PTPRM: variants seen among roughly 807,000 people sequenced by gnomAD.
The protein encoded by PTPRM is receptor-type tyrosine-protein phosphatase mu.
A neutral mutation model predicts 186.7 loss-of-function variants in PTPRM; 47 were observed. The ratio of observed to expected loss-of-function variants is 0.25; its 90% CI spans 0.20 to 0.32. The LOEUF is 0.32. Ranked by LOEUF, PTPRM falls within the 10% of genes least tolerant of loss-of-function variation. The pLI is 1.00. For synonymous variants in PTPRM, 668 were observed against 674.9 expected (o/e 0.99, Z 0.16); for missense variants, 1,494 against 1,865.0 (o/e 0.80, Z 3.66).
At chr18:8,373,457 G>A (rs1050348542) in intron 24 of PTPRM, among the ~76,000 whole-genome samples, 1 of 152,148 alleles carries the variant, frequency 6.6e-6, no homozygotes, top group East Asian at 1.9e-4. Context: ...TACCCAGAGT[G>A]TCAGAAGGAA....
At chr18:8,362,979 T>C (rs1353107050) in intron 23 of PTPRM, among the ~76,000 whole-genome samples, 1 of 152,220 alleles carries the variant, frequency 6.6e-6, no homozygotes, top group East Asian at 1.9e-4. Context: ...TTGAGTTTGT[T>C]GTTTACACAT....
intron 1 of PTPRM, among the ~76,000 whole-genome samples, chr18:7,618,403 CTCTCACTTTA>C (rs2037857503): frequency 6.6e-6 from 1 of 152,058 alleles, no homozygotes; most frequent in Non-Finnish European, 1.5e-5. Context: ...GTATTTGTTT[CTCTCACTTTA>C]ACTCAGATTT....
At chr18:8,308,128 A>T (rs777148334) in intron 20 of PTPRM, among the ~76,000 whole-genome samples, 1 of 152,242 alleles carries the variant, frequency 6.6e-6, no homozygotes, top group Non-Finnish European at 1.5e-5. Flanking sequence ...GACAAATTAA[A>T]TTTAGCCAGG....
At chr18:8,028,778 A>G (rs1263883329) in intron 7 of PTPRM, among the ~76,000 whole-genome samples, 1 of 152,222 alleles carries the variant, frequency 6.6e-6, no homozygotes, top group South Asian at 2.1e-4. Context: ...GCTGAATAAC[A>G]ATAGCATTTA....
chr18:7,957,986 G>A (rs2053425613), intron 7 of PTPRM, among the ~76,000 whole-genome samples: 1 of 152,112 alleles, frequency 6.6e-6, no homozygotes, highest in South Asian at 2.1e-4. Context: ...GGGGCAAATG[G>A]TTGATGAATC....
chr18:7,853,117 C>G (rs1258744626), intron 2 of PTPRM, among the ~76,000 whole-genome samples: 1 of 152,156 alleles, frequency 6.6e-6, no homozygotes, highest in Admixed American at 6.5e-5. Flanking sequence ...GGTTTGACTT[C>G]AAAGAATAGA....
intron 1 of PTPRM, among the ~76,000 whole-genome samples, chr18:7,641,397 CTTAG>C (rs2038439681): frequency 6.6e-6 from 1 of 152,110 alleles, no homozygotes; most frequent in East Asian, 1.9e-4. Flanking sequence ...CAGGAAAGGA[CTTAG>C]TTAATTCAAA....
intron 2 of PTPRM, among the ~76,000 whole-genome samples, chr18:7,853,765 G>A (rs1422854793): frequency 6.6e-6 from 1 of 151,840 alleles, no homozygotes; most frequent in Non-Finnish European, 1.5e-5. Flanking sequence ...ATACCAAGCT[G>A]ATTCTCTTTG....
intron 14 of PTPRM, among the ~76,000 whole-genome samples, chr18:8,200,723 A>C (rs1262791073): frequency 6.6e-6 from 1 of 152,252 alleles, no homozygotes; most frequent in East Asian, 1.9e-4. Context: ...AAAAGTTATA[A>C]AAATAGTACA....
chr18:7,605,666 A>G (rs1358012317), intron 1 of PTPRM, among the ~76,000 whole-genome samples: 1 of 152,218 alleles, frequency 6.6e-6, no homozygotes, highest in South Asian at 2.1e-4. Flanking sequence ...AATGTTAACC[A>G]TACACTACTT....
At chr18:7,614,917 G>C (rs1213171119) in intron 1 of PTPRM, among the ~76,000 whole-genome samples, 2 of 152,140 alleles carry the variant, frequency 1.3e-5, no homozygotes, top group African/African-American at 4.8e-5. Context: ...GAGATGATCA[G>C]TTTTTTGAAC....
chr18:7,932,472 C>G (rs1025805490), intron 5 of PTPRM, among the ~76,000 whole-genome samples: 1 of 151,920 alleles, frequency 6.6e-6, no homozygotes, highest in Non-Finnish European at 1.5e-5. Context: ...ATAGGTAACT[C>G]CATTTTATTA....
At chr18:7,862,769 G>T (rs1378402320) in intron 2 of PTPRM, among the ~76,000 whole-genome samples, 1 of 152,090 alleles carries the variant, frequency 6.6e-6, no homozygotes, top group Non-Finnish European at 1.5e-5. Context: ...ACCTTCATTT[G>T]AATCTAAAGA....
intron 7 of PTPRM, among the ~76,000 whole-genome samples, chr18:7,959,544 T>A (rs1385106947): frequency 6.6e-6 from 1 of 152,218 alleles, no homozygotes; most frequent in East Asian, 1.9e-4. Context: ...ACAGTCTCAT[T>A]ACCTGGTTGG....
intron 2 of PTPRM, among the ~76,000 whole-genome samples, chr18:7,826,893 A>T (rs1357042137): frequency 1.3e-5 from 2 of 152,156 alleles, no homozygotes; most frequent in Non-Finnish European, 2.9e-5. Context: ...CAGGAGTTAG[A>T]GGCTAGCCTG....
chr18:7,884,611 A>G (rs1355285604), intron 2 of PTPRM, among the ~76,000 whole-genome samples: 1 of 152,136 alleles, frequency 6.6e-6, no homozygotes, highest in African/African-American at 2.4e-5. Flanking sequence ...TGAATTTCAC[A>G]AAATCACATG....
intron 19 of PTPRM, among the ~76,000 whole-genome samples, chr18:8,274,421 A>G (rs1245681694): frequency 6.6e-6 from 1 of 152,222 alleles, no homozygotes; most frequent in African/African-American, 2.4e-5. Flanking sequence ...TTCCCATAAA[A>G]TAAATAAATG....
intron 14 of PTPRM, among the ~76,000 whole-genome samples, chr18:8,183,597 A>G (rs1186416131): frequency 6.6e-6 from 1 of 152,144 alleles, no homozygotes; most frequent in Non-Finnish European, 1.5e-5. Context: ...CAGCAGGAAT[A>G]TATGTATTGA....
At chr18:8,206,268 A>ATTTTATTTTTTTTTTTTTTT (rs1238112461) in intron 14 of PTPRM, among the ~76,000 whole-genome samples, 2 of 148,986 alleles carry the variant, frequency 1.3e-5, no homozygotes, top group African/African-American at 5.2e-5. Flanking sequence ...ATTTTATTTT[A>ATTTTATTTTTTTTTTTTTTT]TTTTGAGACG....
Sources: allele counts gnomAD v4.1 joint callset (sites outside exome capture counted in the v4.1 genomes callset), GRCh38; gene constraint gnomAD v4.1.1; transcripts MANE v1.5; gene names NCBI Gene and HGNC (gene_info 2026-07-23, HGNC 2026-07-21).